The following FRMD5 variants were observed in gnomAD, a reference collection of about 807,000 sequenced individuals.
FRMD5 encodes the protein FERM domain-containing protein 5.
Under a neutral mutation model 69.0 loss-of-function variants are expected in FRMD5, and 20 were observed. The ratio of observed to expected loss-of-function variants is 0.29; its 90% CI spans 0.20 to 0.42. The LOEUF (loss-of-function observed/expected upper bound fraction) is 0.42, where lower values mean the gene tolerates loss of function less well. Ranked by LOEUF, FRMD5 falls within the 10% of genes least tolerant of loss-of-function variation. FRMD5 has a pLI of 1.00. For missense variants in FRMD5, 595 were observed against 708.6 expected (o/e 0.84, Z 1.82); for synonymous variants, 271 against 260.1 (o/e 1.04, Z -0.40).
chr15:44,031,096 T>G (rs1891661930), intron 1 of FRMD5, among the ~76,000 whole-genome samples: 1 of 151,078 alleles, frequency 6.6e-6, no homozygotes, highest in African/African-American at 2.4e-5. Flanking sequence ...TAGTGAGGAG[T>G]GCTTTGGGCT....
intron 1 of FRMD5, among the ~76,000 whole-genome samples, chr15:43,965,576 C>CT (rs35986581): frequency 0.024 from 2,665 of 110,310 alleles, 92 homozygotes; most frequent in African/African-American, 0.06. Context: ...TTTAAAAAGT[C>CT]TTTTTTTTTT....
At chr15:43,997,391 C>T (rs866196817) in intron 1 of FRMD5, among the ~76,000 whole-genome samples, 1 of 152,158 alleles carries the variant, frequency 6.6e-6, no homozygotes, top group Non-Finnish European at 1.5e-5. Flanking sequence ...GGAACAAAAA[C>T]GGATCAAGCT....
At chr15:44,010,755 AG>A (rs1300035215) in intron 1 of FRMD5, among the ~76,000 whole-genome samples, 1 of 152,218 alleles carries the variant, frequency 6.6e-6, no homozygotes, top group Non-Finnish European at 1.5e-5. Flanking sequence ...CTTGAAGCAC[AG>A]AAAACAGAAA....
At chr15:44,084,218 A>T (rs907786265) in intron 1 of FRMD5, among the ~76,000 whole-genome samples, 10 of 152,028 alleles carry the variant, frequency 6.6e-5, no homozygotes, top group African/African-American at 2.2e-4. Context: ...CAAGAAGATG[A>T]TAACACACCT....
chr15:44,037,450 G>A (rs1268514856), intron 1 of FRMD5, among the ~76,000 whole-genome samples: 10 of 151,070 alleles, frequency 6.6e-5, no homozygotes, highest in Non-Finnish European at 1.2e-4. Flanking sequence ...ATACACATAC[G>A]TGTACATGTG....
chr15:44,156,300 C>G (rs564225694), intron 1 of FRMD5, among the ~76,000 whole-genome samples: 1 of 152,086 alleles, frequency 6.6e-6, no homozygotes, highest in Non-Finnish European at 1.5e-5. Context: ...GGCGCCACCA[C>G]GCCCAACCAA....
chr15:43,987,798 G>A (rs1030326468), intron 1 of FRMD5, among the ~76,000 whole-genome samples: 1 of 152,120 alleles, frequency 6.6e-6, no homozygotes, highest in Non-Finnish European at 1.5e-5. Context: ...GATCCCACCT[G>A]CCTCGGCCTC....
At chr15:44,030,973 G>GAA (rs55964111) in intron 1 of FRMD5, among the ~76,000 whole-genome samples, 1,769 of 148,020 alleles carry the variant, frequency 0.012, 24 homozygotes, top group African/African-American at 0.025. Context: ...ACCAGAAAAA[G>GAA]AAAAAAAAAA....
chr15:44,088,026 T>C (rs17583428), intron 1 of FRMD5, among the ~76,000 whole-genome samples: 3,718 of 152,254 alleles, frequency 0.024, 69 homozygotes, highest in Non-Finnish European at 0.036. Flanking sequence ...TTCGTGAACA[T>C]CTACCATGTG....
At chr15:44,132,477 G>A (rs894307969) in intron 1 of FRMD5, among the ~76,000 whole-genome samples, 1 of 152,148 alleles carries the variant, frequency 6.6e-6, no homozygotes, top group Non-Finnish European at 1.5e-5. Context: ...CATCCAGGCT[G>A]GGGTGCAGTG....
At chr15:43,983,944 A>G (rs2090586100) in intron 1 of FRMD5, among the ~76,000 whole-genome samples, 1 of 152,226 alleles carries the variant, frequency 6.6e-6, no homozygotes, top group East Asian at 1.9e-4. Context: ...TGAACTATGC[A>G]GCTCTTCAGT....
chr15:44,052,347 G>A (rs2140350843), intron 1 of FRMD5, among the ~76,000 whole-genome samples: 1 of 152,220 alleles, frequency 6.6e-6, no homozygotes, highest in East Asian at 1.9e-4. Flanking sequence ...TTTCTTTTGA[G>A]CACTTACTGT....
chr15:43,877,241 C>A (rs2088387862), intron 13 of FRMD5, among the ~76,000 whole-genome samples: 1 of 152,214 alleles, frequency 6.6e-6, no homozygotes, highest in Admixed American at 6.5e-5. Flanking sequence ...CAATCCCAGA[C>A]TGAACCAGAT....
At chr15:43,927,213 T>A (rs560426276) in intron 1 of FRMD5, among the ~76,000 whole-genome samples, 1 of 152,348 alleles carries the variant, frequency 6.6e-6, no homozygotes, top group Admixed American at 6.5e-5. Flanking sequence ...AGAATTCTTA[T>A]CTTCTCAATG....
intron 8 of FRMD5, among the ~76,000 whole-genome samples, chr15:43,890,030 G>C (rs2088757721): frequency 6.6e-6 from 1 of 152,136 alleles, no homozygotes; most frequent in Admixed American, 6.5e-5. Flanking sequence ...GAAAATCATG[G>C]CTGGGTCAGG....
At chr15:43,878,646 C>T (rs1323314562) in intron 13 of FRMD5, among the ~76,000 whole-genome samples, 2 of 152,312 alleles carry the variant, frequency 1.3e-5, no homozygotes, top group African/African-American at 4.8e-5. Flanking sequence ...TTGCTTGGCT[C>T]CTTTCCCAGG....
At chr15:43,925,575 A>T (rs182220071) in intron 1 of FRMD5, among the ~76,000 whole-genome samples, 1 of 152,358 alleles carries the variant, frequency 6.6e-6, no homozygotes, top group Admixed American at 6.5e-5. Flanking sequence ...GGCAGTGAAC[A>T]TACAATGATC....
In FRMD5 at chr15:44,035,699, T is replaced by C. The variant is rs530927942; in HGVS notation, c.103-111390A>G. Among the ~76,000 whole-genome samples, 6 of 152,294 alleles carry C rather than the reference T, an allele frequency of 3.9e-5. No homozygotes were observed. The South Asian group carries it at 1.2e-3, about 32-fold the overall frequency. ...TCAGGGATGTGCCATTATGCAAATGTTTCTTATTAGAGGTTGGTACCTGAC... is the reference window on the plus strand; with the variant it reads ...TCAGGGATGTGCCATTATGCAAATGCTTCTTATTAGAGGTTGGTACCTGAC... On this transcript the variant is annotated intron_variant, in intron 1 of 13. Coordinates refer to ENST00000417257, the MANE Select transcript of FRMD5 (RefSeq NM_032892.5).
chr15:44,101,030 T>C (rs1223619781), intron 1 of FRMD5, among the ~76,000 whole-genome samples: 1 of 151,704 alleles, frequency 6.6e-6, no homozygotes, highest in Non-Finnish European at 1.5e-5. Flanking sequence ...ACGCCTGTAG[T>C]CCCAGCTACT....
Sources: gnomAD v4.1 joint callset for allele counts (sites outside exome capture counted in the v4.1 genomes callset) on GRCh38, gnomAD v4.1.1 for gene constraint, MANE v1.5 for transcripts, NCBI Gene and HGNC (gene_info 2026-07-23, HGNC 2026-07-21) for gene names.